CDK18: variants seen among roughly 807,000 people sequenced by gnomAD.
CDK18 encodes cyclin-dependent kinase 18.
In CDK18, 52 loss-of-function variants were observed where a neutral mutation model predicts 62.0. That is an observed-to-expected ratio of 0.84 (90% CI 0.67 to 1.06). The LOEUF (loss-of-function observed/expected upper bound fraction) is 1.06, where lower values mean the gene tolerates loss of function less well. CDK18 is among the 50% of genes least tolerant of loss of function. The pLI is 0.00. For synonymous variants in CDK18, 237 were observed against 247.0 expected (o/e 0.96, Z 0.38); for missense variants, 604 against 619.9 (o/e 0.97, Z 0.27).
chr1:205,526,673 C>A, intron 7 of CDK18, 102 bp from the exon 8 acceptor site: 2 of 1,164,732 alleles, frequency 1.7e-6, no homozygotes, highest in Non-Finnish European at 1.3e-6. Flanking sequence ...CACTAGTGGG[C>A]GTGGGCCCTT....
chr1:205,530,695 C>T lies in CDK18; in HGVS notation c.1380C>T (p.Phe460=), dbSNP rs752692304. The T allele has an allele frequency of 6.2e-7, 1 of 1,613,664 alleles. No homozygotes were observed. Among genetic ancestry groups the T allele is most frequent in the Admixed American group, 1.7e-5 (1 of 60,030 alleles). ...ACCCAGGCTACCGAGGCTTGGCCTT[C>T]CAGCAGCCAGGTAGGGGCTTGTGCT... The part of the protein sequence containing the change: ...QKDPGYRGLA[F]QQPGRGKNRR... Residue 460 remains phenylalanine, a synonymous_variant, in exon 15 of 16, where the codon TTC becomes TTT. Coordinates refer to ENST00000429964, the MANE Select transcript of CDK18 (RefSeq NM_212502.3).
intron 1 of CDK18, among the ~76,000 whole-genome samples, chr1:205,520,960 C>A (rs1668091379): frequency 6.6e-6 from 1 of 152,164 alleles, no homozygotes; most frequent in Admixed American, 6.5e-5. Context: ...GACAGCAGGC[C>A]TGAGACATTG....
Position 205,523,130 on chromosome 1 carries a change from C to T in CDK18, c.-21-17C>T, listed in dbSNP as rs376242423. ...CCTTGTTCTTTTCAACTGCTCTTCTCACACTTCCCATCTCAGGACCCGGCT... is the reference window on the plus strand; with the variant it reads ...CCTTGTTCTTTTCAACTGCTCTTCTTACACTTCCCATCTCAGGACCCGGCT... On this transcript the variant is annotated splice_polypyrimidine_tract_variant and intron_variant, in intron 1 of 15. Coordinates refer to ENST00000429964, the MANE Select transcript of CDK18 (RefSeq NM_212502.3). 3.0e-4 allele frequency: 464 copies of T among 1,571,814 alleles called. No individual in the cohort carries two copies. The highest frequency in any genetic ancestry group is 3.9e-4 in the Non-Finnish European group (453 of 1,157,546).
intron 1 of CDK18, chr1:205,522,907 G>A (rs557307967): frequency 3.7e-5 from 18 of 491,394 alleles, no homozygotes; most frequent in African/African-American, 5.8e-5. Flanking sequence ...GTGGCGGGGC[G>A]GGCGGTGGGC....
chr1:205,507,905 T>C (rs1477428710), intron 1 of CDK18, among the ~76,000 whole-genome samples: 1 of 152,088 alleles, frequency 6.6e-6, no homozygotes, highest in African/African-American at 2.4e-5. Context: ...ATGGGTTGGA[T>C]GGAAATCTTC....
chr1:205,527,973 G>A lies in CDK18; in HGVS notation c.853+56G>A, dbSNP rs1575076440. On this transcript the variant is annotated intron_variant, in intron 9 of 15. Coordinates refer to ENST00000429964, the MANE Select transcript of CDK18 (RefSeq NM_212502.3). The surrounding 1 kb of genome is among the most constrained non-coding windows in gnomAD (Gnocchi z 4.1). ...GCTACTGGGGTGCCTCAGGGTGTGG[G>A]TGCAGTGGGGGAGGGCATAGCAGTC... The A allele has an allele frequency of 1.2e-6, 2 of 1,613,094 alleles. No homozygotes were observed. Among genetic ancestry groups the A allele is most frequent in the Admixed American group, 3.3e-5 (2 of 60,000 alleles).
At chr1:205,521,452 A>T (rs1433407610) in intron 1 of CDK18, among the ~76,000 whole-genome samples, 1 of 152,114 alleles carries the variant, frequency 6.6e-6, no homozygotes, top group Non-Finnish European at 1.5e-5. Context: ...GACCTCAAGT[A>T]ATGCACCTGC....
chr1:205,527,596 C>G lies in CDK18; in HGVS notation c.730-198C>G. 1 of 593,570 alleles carries G rather than the reference C, an allele frequency of 1.7e-6. No individual in the cohort carries two copies. Among genetic ancestry groups the G allele is most frequent in the Non-Finnish European group, 3.0e-6 (1 of 331,900 alleles). The allele number at this position is 593,570 out of a possible 1,614,324, so 36.8% of individuals were successfully genotyped here. A position where few individuals can be genotyped will look rare whatever the true frequency, so the allele number is the denominator to read the frequency against. ...GCCTCCCCCACACTCACTGCGTCCT[C>G]TGCACCCCTGCTGTCCTCCCCTCTG... On this transcript the variant is annotated intron_variant, in intron 8 of 15. Coordinates refer to ENST00000429964, the MANE Select transcript of CDK18 (RefSeq NM_212502.3). This position sits in a 1 kb window ranked among gnomAD's most constrained non-coding sequence, Gnocchi z 4.1.
chr1:205,523,562 G>A lies in CDK18; in HGVS notation c.210G>A (p.Pro70=), dbSNP rs770191177. 5.0e-6 allele frequency: 8 copies of A among 1,601,942 alleles called. No homozygotes were observed. The highest frequency in any genetic ancestry group is 4.5e-5 in the East Asian group (2 of 44,422). ...TFSPTDSGEE[P]GQLSPGVQFQ... Reference sequence around the variant, plus strand: ...CCCCAACAGACAGCGGGGAGGAGCCGGGGCAGCTCTCCCCTGGCGTGCAGT... The same window carrying A: ...CCCCAACAGACAGCGGGGAGGAGCCAGGGCAGCTCTCCCCTGGCGTGCAGT... Residue 70 remains proline (P), a synonymous_variant, in exon 3 of 16, where the codon CCG becomes CCA. Transcript: ENST00000429964.
intron 1 of CDK18, among the ~76,000 whole-genome samples, chr1:205,508,040 C>T (rs1667397062): frequency 6.6e-6 from 1 of 152,212 alleles, no homozygotes; most frequent in Non-Finnish European, 1.5e-5. Flanking sequence ...CGCCTTCTTT[C>T]CCTGAGGTAG....
chr1:205,514,275 C>G (rs1558769774), intron 1 of CDK18, among the ~76,000 whole-genome samples: 1 of 152,150 alleles, frequency 6.6e-6, no homozygotes, highest in Non-Finnish European at 1.5e-5. Context: ...ATGAGTAGCA[C>G]GTTGTTGGTT....
At chr1:205,514,629 C>G (rs939155557) in intron 1 of CDK18, among the ~76,000 whole-genome samples, 1 of 152,160 alleles carries the variant, frequency 6.6e-6, no homozygotes, top group African/African-American at 2.4e-5. Flanking sequence ...CTTGAGGGAT[C>G]TAATGTTTCC....
intron 5 of CDK18, 50 bp downstream of exon 5, chr1:205,525,245 G>C: frequency 2.1e-6 from 3 of 1,432,392 alleles, no homozygotes; most frequent in Non-Finnish European, 2.9e-6. Context: ...GGATGGCTTG[G>C]AGGAGGGGCA....
chr1:205,529,792 G>A, intron 13 of CDK18: 2 of 1,452,446 alleles, frequency 1.4e-6, no homozygotes, highest in Non-Finnish European at 1.9e-6. Flanking sequence ...CTCTGGGCAA[G>A]TTACAGAGCT....
In CDK18 at chr1:205,516,649, A is replaced by G. The variant is rs550056372; in HGVS notation, c.-21-6498A>G. On this transcript the variant is annotated intron_variant, in intron 1 of 15. Coordinates refer to ENST00000429964, the MANE Select transcript of CDK18 (RefSeq NM_212502.3). The surrounding 1 kb of genome is among the most constrained non-coding windows in gnomAD (Gnocchi z 4.8). Reference sequence around the variant, plus strand: ...AGATGAGGGAGACAGGTGAAAAGTCACGCCCCATTGAAGGAGGGGCACCTG... The same window carrying G: ...AGATGAGGGAGACAGGTGAAAAGTCGCGCCCCATTGAAGGAGGGGCACCTG... 6.6e-5 allele frequency among the ~76,000 whole-genome samples: 10 copies of G among 152,274 alleles called. No homozygotes were observed. The highest frequency in any genetic ancestry group is 2.4e-4 in the African/African-American group (10 of 41,560).
intron 1 of CDK18, among the ~76,000 whole-genome samples, chr1:205,512,011 G>A (rs958456891): frequency 3.3e-5 from 5 of 152,144 alleles, no homozygotes; most frequent in South Asian, 2.1e-4. Flanking sequence ...CCAAGATCAC[G>A]CCACTGCACT....
chr1:205,525,068 G>T, intron 4 of CDK18, 71 bp from the exon 5 acceptor site: 1 of 980,200 alleles, frequency 1.0e-6, no homozygotes, highest in South Asian at 1.5e-5. Flanking sequence ...GGCTGGAGTT[G>T]GGGGAGGCGT....
chr1:205,524,245 G>A lies in CDK18; in HGVS notation c.287G>A (p.Arg96Lys), dbSNP rs189850623. 22 of 1,614,190 alleles carry A rather than the reference G, an allele frequency of 1.4e-5. 1 individual carries two copies. In the Admixed American group the frequency reaches 3.7e-4, roughly 27 times the overall value. ...RRFSMEDVSK[R>K]LSLPMDIRLP... is the part of the protein sequence containing the mutation. ...CTGTCACCACAGGACGTCAGCAAGA[G>A]GCTCTCTCTGCCCATGGATATCCGC... is the stretch of plus-strand genomic sequence containing the variant. Residue 96 changes from arginine to lysine, a missense_variant, in exon 4 of 16, where the codon AGG becomes AAG. By Grantham distance (26) the Arg-to-Lys change is conservative. Transcript: ENST00000429964.
At position 205,526,197 on chromosome 1, in the gene CDK18, C is replaced by T. The variant is rs1247134005; in HGVS notation, c.571+18C>T. 6.2e-7 allele frequency: 1 copy of T among 1,600,812 alleles called. No individual in the cohort carries two copies. The highest frequency in any genetic ancestry group is 1.1e-5 in the South Asian group (1 of 90,592). On this transcript the variant is annotated intron_variant, in intron 6 of 15. Coordinates refer to ENST00000429964, the MANE Select transcript of CDK18 (RefSeq NM_212502.3). ...CCGAGAGGGTACAGCATCCTAGGCT[C>T]CCACGCTCCCCTGGGGGCTTCAGGA...
Sources: gnomAD v4.1 joint callset for allele counts (sites outside exome capture counted in the v4.1 genomes callset) on GRCh38, gnomAD v4.1.1 for gene constraint, Gnocchi (gnomAD v3.1) non-coding constraint, MANE v1.5 for transcripts, NCBI Gene and HGNC (gene_info 2026-07-23, HGNC 2026-07-21) for gene names.